CNTN5: variants seen among roughly 807,000 people sequenced by gnomAD.
CNTN5 encodes contactin-5.
Under a neutral mutation model 129.1 loss-of-function variants are expected in CNTN5, and 77 were observed. The observed-to-expected ratio is 0.60, with a 90% CI of 0.50 to 0.72. The LOEUF is 0.72. Ranked by LOEUF, CNTN5 falls within the 30% of genes least tolerant of loss-of-function variation. The probability of loss-of-function intolerance (pLI) is 0.00; values close to 1 mark genes in which losing one functional copy is unlikely to be tolerated. For missense variants in CNTN5, 1,478 were observed against 1,328.8 expected (o/e 1.11, Z -1.75); for synonymous variants, 509 against 465.6 (o/e 1.09, Z -1.20).
At chr11:99,207,571 T>C (rs1226185543) in intron 1 of CNTN5, among the ~76,000 whole-genome samples, 2 of 152,210 alleles carry the variant, frequency 1.3e-5, no homozygotes, top group African/African-American at 4.8e-5. Context: ...ATTGTTTTTT[T>C]CCTTTGGTTT....
At chr11:99,704,908 T>A (rs766669620) in intron 3 of CNTN5, among the ~76,000 whole-genome samples, 1 of 151,334 alleles carries the variant, frequency 6.6e-6, no homozygotes, top group Non-Finnish European at 1.5e-5. Context: ...GTTTTTATGT[T>A]GCCCGGGAAT....
At chr11:100,146,405 C>A (rs1028488629) in intron 13 of CNTN5, among the ~76,000 whole-genome samples, 3 of 152,082 alleles carry the variant, frequency 2.0e-5, no homozygotes, top group East Asian at 1.9e-4. Context: ...TACACACACA[C>A]AAAATTTAAA....
At chr11:99,248,595 G>T (rs1399725993) in intron 1 of CNTN5, among the ~76,000 whole-genome samples, 1 of 152,038 alleles carries the variant, frequency 6.6e-6, no homozygotes, top group Non-Finnish European at 1.5e-5. Context: ...TATGGTTTTA[G>T]GTCTAACATT....
At chr11:99,808,177 G>C (rs113737042) in intron 3 of CNTN5, among the ~76,000 whole-genome samples, 68 of 152,306 alleles carry the variant, frequency 4.5e-4, no homozygotes, top group African/African-American at 1.4e-3. Flanking sequence ...ACAGCTGGAA[G>C]TTGCTTTCTG....
At chr11:99,642,904 G>A (rs1202555049) in intron 3 of CNTN5, among the ~76,000 whole-genome samples, 1 of 152,098 alleles carries the variant, frequency 6.6e-6, no homozygotes, top group Non-Finnish European at 1.5e-5. Context: ...GTTCATCCAT[G>A]TTGTTGCAAA....
intron 3 of CNTN5, among the ~76,000 whole-genome samples, chr11:99,684,662 G>C (rs1216672097): frequency 6.6e-6 from 1 of 151,808 alleles, no homozygotes; most frequent in Non-Finnish European, 1.5e-5. Context: ...ATCATGGATA[G>C]GTGCTAAATA....
intron 8 of CNTN5, among the ~76,000 whole-genome samples, chr11:99,974,430 A>T (rs1937798084): frequency 6.6e-6 from 1 of 152,202 alleles, no homozygotes; most frequent in Admixed American, 6.5e-5. Flanking sequence ...TCAGTGCTAC[A>T]TTGGGATATT....
At chr11:100,186,329 T>TGTAC (rs1172852037) in intron 13 of CNTN5, among the ~76,000 whole-genome samples, 1 of 152,154 alleles carries the variant, frequency 6.6e-6, no homozygotes, top group Non-Finnish European at 1.5e-5. Context: ...GAGCCATGAC[T>TGTAC]GTACCACTGC....
chr11:99,182,188 T>C (rs998010423), intron 1 of CNTN5, among the ~76,000 whole-genome samples: 2 of 152,196 alleles, frequency 1.3e-5, no homozygotes, highest in African/African-American at 4.8e-5. Context: ...AGGATATTGC[T>C]TTTTCCCATT....
intron 13 of CNTN5, among the ~76,000 whole-genome samples, chr11:100,148,481 T>C (rs1262203832): frequency 6.6e-6 from 1 of 152,148 alleles, no homozygotes; most frequent in African/African-American, 2.4e-5. Flanking sequence ...AAGGACAGTA[T>C]GCAGGGCACT....
At chr11:99,898,171 A>G (rs1949258646) in intron 6 of CNTN5, among the ~76,000 whole-genome samples, 1 of 152,038 alleles carries the variant, frequency 6.6e-6, no homozygotes, top group African/African-American at 2.4e-5. Context: ...GAATAAGAAA[A>G]ACAAGAACAA....
chr11:99,057,785 AGTGTGTGTGTGT>A (rs67721084), intron 1 of CNTN5, among the ~76,000 whole-genome samples: 22 of 145,018 alleles, frequency 1.5e-4, no homozygotes, highest in African/African-American at 5.1e-4. Context: ...ATGAAACATA[AGTGTGTGTGTGT>A]GTGTGTGTGT....
chr11:99,446,421 G>A (rs943075090), intron 2 of CNTN5, among the ~76,000 whole-genome samples: 6 of 152,122 alleles, frequency 3.9e-5, no homozygotes, highest in Admixed American at 6.6e-5. Context: ...GGTTAGTTCA[G>A]TATCACCTCA....
intron 1 of CNTN5, among the ~76,000 whole-genome samples, chr11:99,108,781 T>G (rs2135375718): frequency 6.6e-6 from 1 of 152,232 alleles, no homozygotes; most frequent in African/African-American, 2.4e-5. Context: ...ATAGATTTTG[T>G]GTTGAATTAA....
chr11:99,756,913 G>GTT (rs72102158), intron 3 of CNTN5, among the ~76,000 whole-genome samples: 55 of 143,134 alleles, frequency 3.8e-4, no homozygotes, highest in South Asian at 3.4e-3. Flanking sequence ...ACAATAGAGG[G>GTT]TTTTTTTTTT....
intron 3 of CNTN5, among the ~76,000 whole-genome samples, chr11:99,760,359 G>C (rs1472831707): frequency 1.3e-5 from 2 of 152,008 alleles, no homozygotes; most frequent in Non-Finnish European, 2.9e-5. Flanking sequence ...CTACAAGCTA[G>C]GTTACTTTAC....
chr11:99,391,877 T>G (rs1941280297), intron 2 of CNTN5, among the ~76,000 whole-genome samples: 1 of 152,014 alleles, frequency 6.6e-6, no homozygotes, highest in Admixed American at 6.6e-5. Flanking sequence ...AATCATATGC[T>G]GATTACCTGC....
intron 16 of CNTN5, among the ~76,000 whole-genome samples, chr11:100,235,004 C>T (rs1949579642): frequency 6.6e-6 from 1 of 152,040 alleles, no homozygotes; most frequent in Admixed American, 6.6e-5. Context: ...AATTCTTTAA[C>T]TCTTTGATAT....
chr11:99,274,961 AT>A (rs945095421), intron 1 of CNTN5, among the ~76,000 whole-genome samples: 1 of 151,712 alleles, frequency 6.6e-6, no homozygotes, highest in Non-Finnish European at 1.5e-5. Context: ...TCAAAATAGT[AT>A]TGATAGTTTA....
Sources: allele counts gnomAD v4.1 joint callset (sites outside exome capture counted in the v4.1 genomes callset), GRCh38; gene constraint gnomAD v4.1.1; transcripts MANE v1.5; gene names NCBI Gene and HGNC (gene_info 2026-07-23, HGNC 2026-07-21).